The following BANK1 variants were observed in gnomAD, a reference collection of about 807,000 sequenced individuals.
The protein encoded by BANK1 is B-cell scaffold protein with ankyrin repeats.
A neutral mutation model predicts 94.5 loss-of-function variants in BANK1; 95 were observed. The observed-to-expected ratio is 1.00, with a 90% CI of 0.85 to 1.19. The LOEUF (loss-of-function observed/expected upper bound fraction) is 1.19, where lower values mean the gene tolerates loss of function less well. Among genes scored for constraint, BANK1 ranks in the 50% most tolerant of loss-of-function variants. BANK1 has a pLI of 0.00. For synonymous variants in BANK1, 334 were observed against 308.4 expected (o/e 1.08, Z -0.87); for missense variants, 987 against 932.2 (o/e 1.06, Z -0.77).
exon 17 of BANK1, chr4:102,074,806 AGATCAAGTG>A (rs1728870343): frequency 6.6e-6 from 1 of 152,096 alleles, no homozygotes; most frequent in Non-Finnish European, 1.5e-5. Context: ...CTTTTGGCTA[AGATCAAGTG>A]GAGTATTGGC....
chr4:102,037,031 T>A (rs1001883240), intron 10 of BANK1: 2 of 152,228 alleles, frequency 1.3e-5, no homozygotes, highest in Non-Finnish European at 2.9e-5. Flanking sequence ...GACAGCACAA[T>A]GAATTCTGGT....
intron 1 of BANK1, among the ~76,000 whole-genome samples, chr4:101,818,753 A>C (rs1726018231): frequency 6.6e-6 from 1 of 152,138 alleles, no homozygotes; most frequent in Non-Finnish European, 1.5e-5. Flanking sequence ...AAACTTTATC[A>C]TAGACATACA....
In BANK1 at chr4:101,807,553, G is replaced by T. The variant is rs139190362; in HGVS notation, c.70+16603G>T. Among the ~76,000 whole-genome samples, 81 of 152,234 alleles carry T rather than the reference G, an allele frequency of 5.3e-4. No homozygotes were observed. The East Asian group carries it at 0.014, about 27-fold the overall frequency. ...CTGCCACTATGTCTCCTGGAGATTG[G>T]ATCCCTTCCACTGTTCTCCAAAAGG... On this transcript the variant is annotated intron_variant, in intron 1 of 16. Transcript: ENST00000322953.
chr4:101,986,871 GTA>G (rs201776580), intron 7 of BANK1, among the ~76,000 whole-genome samples: 764 of 49,568 alleles, frequency 0.015, 32 homozygotes, highest in African/African-American at 0.037. Context: ...ATATATGTGT[GTA>G]TGTGTGTGTG....
At chr4:101,823,433 G>A (rs1726248913) in intron 1 of BANK1, among the ~76,000 whole-genome samples, 2 of 152,238 alleles carry the variant, frequency 1.3e-5, no homozygotes, top group South Asian at 4.1e-4. Context: ...GCTCTCAGAT[G>A]TAGACAGTCT....
At chr4:101,922,184 A>C (rs1197188196) in intron 7 of BANK1, among the ~76,000 whole-genome samples, 1 of 151,782 alleles carries the variant, frequency 6.6e-6, no homozygotes, top group Non-Finnish European at 1.5e-5. Context: ...AATATCCCTA[A>C]TATAAAGCAA....
chr4:101,825,618 A>G (rs1203445399), intron 1 of BANK1, among the ~76,000 whole-genome samples: 1 of 152,034 alleles, frequency 6.6e-6, no homozygotes, highest in African/African-American at 2.4e-5. Context: ...AACAGGACCA[A>G]CTTCCTGCAG....
chr4:101,790,822 G>T lies in BANK1; in HGVS notation c.-59G>T. 1 of 1,496,418 alleles carries T rather than the reference G, an allele frequency of 6.7e-7. No individual in the cohort carries two copies. Among genetic ancestry groups the T allele is most frequent in the South Asian group, 1.2e-5 (1 of 83,240 alleles). The allele number at this position is 1,496,418 out of a possible 1,614,324, so 92.7% of individuals were successfully genotyped here. ...AATCGCGGGGAGTCTCTGGCCGGGA[G>T]AGTCCAGGTAGCGCTCGGCGGGCAG... On this transcript the variant is annotated 5_prime_UTR_variant, in exon 1 of 17. Transcript: ENST00000322953.
chr4:101,940,055 T>C (rs1723691743), intron 7 of BANK1, among the ~76,000 whole-genome samples: 1 of 151,724 alleles, frequency 6.6e-6, no homozygotes, highest in African/African-American at 2.4e-5. Context: ...CTCATTCATC[T>C]TTTGTCAACT....
intron 11 of BANK1, among the ~76,000 whole-genome samples, chr4:102,053,977 T>C (rs1728140701): frequency 6.6e-6 from 1 of 151,970 alleles, no homozygotes; most frequent in Non-Finnish European, 1.5e-5. Flanking sequence ...AATACATATA[T>C]ATGTCTTTAT....
intron 11 of BANK1, among the ~76,000 whole-genome samples, chr4:102,056,312 T>G (rs1728225981): frequency 6.6e-6 from 1 of 152,062 alleles, no homozygotes; most frequent in Non-Finnish European, 1.5e-5. Flanking sequence ...CAGCCAGTGA[T>G]TCACATAAAA....
At chr4:102,059,490 A>T (rs567591273) in intron 11 of BANK1, among the ~76,000 whole-genome samples, 1 of 152,196 alleles carries the variant, frequency 6.6e-6, no homozygotes, top group East Asian at 1.9e-4. Flanking sequence ...TAGAGAGTAC[A>T]TAGCATCCTT....
At chr4:101,862,186 C>A (rs1727902389) in intron 3 of BANK1, among the ~76,000 whole-genome samples, 1 of 152,006 alleles carries the variant, frequency 6.6e-6, no homozygotes, top group Non-Finnish European at 1.5e-5. Context: ...TAGCCTTCTG[C>A]TGGTCTGCGA....
rs201425926 is a variant in BANK1 at position 101,815,063 on chromosome 4, A to T, written c.71-14745A>T. On this transcript the variant is annotated intron_variant, in intron 1 of 16. Coordinates refer to ENST00000322953, the MANE Select transcript of BANK1 (RefSeq NM_017935.5). ...CAAAGAATAAGGGAAGGGGGAAATC[A>T]AATATTGCCTTTGTTACTGATGAAG... Among the ~76,000 whole-genome samples, 14 of 152,290 alleles carry T rather than the reference A, an allele frequency of 9.2e-5. No individual in the cohort carries two copies. In the East Asian group the frequency reaches 2.3e-3, roughly 25 times the overall value.
At chr4:102,064,722 G>A (rs146660762) in intron 13 of BANK1, among the ~76,000 whole-genome samples, 1 of 152,234 alleles carries the variant, frequency 6.6e-6, no homozygotes, top group Non-Finnish European at 1.5e-5. Flanking sequence ...AGTGATATTA[G>A]GAGGCAGACA....
Position 101,918,129 on chromosome 4 carries a change from C to T in BANK1, c.1146C>T (p.Pro382=), listed in dbSNP as rs756155028. ...TGAAAAATATGGAGGGTTCAGACCCCGCACATATTGCTGAAAGGCATGGTC... is the reference window on the plus strand; with the variant it reads ...TGAAAAATATGGAGGGTTCAGACCCTGCACATATTGCTGAAAGGCATGGTC... ...SKMKNMEGSD[P]AHIAERHGHK... The change falls in exon 7 of 17, where the codon CCC becomes CCT. Residue 382 remains proline, a synonymous_variant. Coordinates refer to ENST00000322953, the MANE Select transcript of BANK1 (RefSeq NM_017935.5). 7.5e-6 allele frequency: 12 copies of T among 1,607,798 alleles called. No individual in the cohort carries two copies. Among genetic ancestry groups the T allele is most frequent in the Admixed American group, 1.7e-5 (1 of 59,766 alleles).
intron 11 of BANK1, among the ~76,000 whole-genome samples, chr4:102,058,797 G>A (rs1728318728): frequency 6.7e-6 from 1 of 150,028 alleles, no homozygotes; most frequent in Non-Finnish European, 1.5e-5. Flanking sequence ...GAAATGGTGA[G>A]AAGGGAAAAA....
chr4:101,974,806 A>T (rs1022779191), intron 7 of BANK1, among the ~76,000 whole-genome samples: 15 of 151,728 alleles, frequency 9.9e-5, no homozygotes, highest in African/African-American at 3.6e-4. Flanking sequence ...AAAAAAAAAA[A>T]ATTAGCTGGG....
chr4:102,027,670 GA>G (rs57958483), intron 9 of BANK1, among the ~76,000 whole-genome samples: 78 of 141,798 alleles, frequency 5.5e-4, no homozygotes, highest in Non-Finnish European at 6.2e-4. Flanking sequence ...GTTACTGAAG[GA>G]AAAAAAAAAA....
Sources: gnomAD v4.1 joint callset for allele counts (sites outside exome capture counted in the v4.1 genomes callset) on GRCh38, gnomAD v4.1.1 for gene constraint, MANE v1.5 for transcripts, NCBI Gene and HGNC (gene_info 2026-07-23, HGNC 2026-07-21) for gene names.